The following STK3 variants were observed in gnomAD, a reference collection of about 807,000 sequenced individuals.
STK3 encodes serine/threonine kinase 3, also known as serine/threonine-protein kinase 3.
Under a neutral mutation model 58.0 loss-of-function variants are expected in STK3, and 41 were observed. The ratio of observed to expected loss-of-function variants is 0.71; its 90% CI spans 0.55 to 0.92. The LOEUF (loss-of-function observed/expected upper bound fraction) is 0.92, where lower values mean the gene tolerates loss of function less well. Among genes scored for constraint, STK3 ranks in the 40% least tolerant of loss-of-function variants. The pLI, the probability that STK3 is intolerant of heterozygous loss-of-function variation, is 0.00. For synonymous variants in STK3, 170 were observed against 191.0 expected, an observed-to-expected ratio of 0.89 and a Z score of 0.91; for missense variants, 479 against 602.7, an observed-to-expected ratio of 0.79 and a Z score of 2.15.
intron 9 of STK3, among the ~76,000 whole-genome samples, chr8:98,544,143 G>T (rs1181314617): frequency 1.3e-5 from 2 of 152,124 alleles, no homozygotes; most frequent in African/African-American, 4.8e-5. Context: ...GCTGGATATA[G>T]AAGTGAAGGG....
the STK3 span, among the ~76,000 whole-genome samples, chr8:98,363,041 C>T: frequency 6.6e-6 from 1 of 152,210 alleles, no homozygotes; most frequent in Admixed American, 6.5e-5. Context: ...AGGAAAGGCT[C>T]ATGCATTCTG....
intron 1 of STK3, among the ~76,000 whole-genome samples, chr8:98,929,151 A>G (rs1406978347): frequency 6.6e-6 from 1 of 152,202 alleles, no homozygotes; most frequent in Non-Finnish European, 1.5e-5. Flanking sequence ...CTGTAATCCC[A>G]GCTACTTGGG....
chr8:98,788,779 T>C (rs1186573241), intron 1 of STK3, among the ~76,000 whole-genome samples: 3 of 152,018 alleles, frequency 2.0e-5, no homozygotes, highest in African/African-American at 4.8e-5. Context: ...CAATTACTAA[T>C]AGACTTAAGA....
intron 8 of STK3, among the ~76,000 whole-genome samples, chr8:98,571,050 C>T (rs546820572): frequency 6.6e-6 from 1 of 152,246 alleles, no homozygotes; most frequent in Admixed American, 6.5e-5. Flanking sequence ...AGACTTTTGG[C>T]CAGAAACAGT....
intron 1 of STK3, among the ~76,000 whole-genome samples, chr8:98,381,239 G>A (rs1194435104): frequency 6.6e-6 from 1 of 152,060 alleles, no homozygotes; most frequent in African/African-American, 2.4e-5. Flanking sequence ...CCAAAGTGCT[G>A]GGATTACAGG....
chr8:98,708,557 A>G (rs1479923555), intron 4 of STK3, among the ~76,000 whole-genome samples: 1 of 152,190 alleles, frequency 6.6e-6, no homozygotes, highest in African/African-American at 2.4e-5. Flanking sequence ...GAGAAGGCCG[A>G]GGAAGAGACG....
rs2129963870 is a variant in STK3 at position 98,595,096 on chromosome 8, A to G, written c.822+936T>C. The G allele has an allele frequency of 1.3e-5, 2 of 152,346 alleles. 1 individual carries two copies. The highest frequency in any genetic ancestry group is 4.1e-4 in the South Asian group (2 of 4,830). The allele number at this position is 152,346 out of a possible 1,614,324, so 9.4% of individuals were successfully genotyped here. A position where few individuals can be genotyped will look rare whatever the true frequency, so the allele number is the denominator to read the frequency against. On this transcript the variant is annotated intron_variant, in intron 7 of 10. Coordinates refer to ENST00000419617, the MANE Select transcript of STK3 (RefSeq NM_006281.4). ...TTCACACATGGTTAAATATTTCTGT[A>G]GAATAAATTCCTAGAAGTGCAACTG...
In STK3 at chr8:98,526,734, G is replaced by A. The variant is rs777770270; in HGVS notation, c.1317+8C>T. 3.2e-6 allele frequency: 5 copies of A among 1,540,846 alleles called. No individual in the cohort carries two copies. In the African/African-American group the frequency reaches 6.9e-5, roughly 21 times the overall value. On this transcript the variant is annotated splice_region_variant and intron_variant, in intron 10 of 10. Coordinates refer to ENST00000419617, the MANE Select transcript of STK3 (RefSeq NM_006281.4). ...AAAACATAAATTGAAGAATTAAAATGTACTTACAAAGTCAAAGTCTCCATC... is the reference window on the plus strand; with the variant it reads ...AAAACATAAATTGAAGAATTAAAATATACTTACAAAGTCAAAGTCTCCATC...
chr8:98,558,028 A>G (rs972276622), intron 8 of STK3, among the ~76,000 whole-genome samples: 6 of 152,126 alleles, frequency 3.9e-5, no homozygotes, highest in African/African-American at 1.4e-4. Flanking sequence ...CCTGTGCACA[A>G]TACTAATATA....
At chr8:98,739,333 G>A (rs1393451299) in intron 4 of STK3, among the ~76,000 whole-genome samples, 3 of 152,240 alleles carry the variant, frequency 2.0e-5, no homozygotes, top group African/African-American at 7.2e-5. Flanking sequence ...AGCCTAACTG[G>A]GAGGCACCCC....
At chr8:98,614,730 C>A (rs745534351) in intron 6 of STK3, among the ~76,000 whole-genome samples, 1 of 152,170 alleles carries the variant, frequency 6.6e-6, no homozygotes, top group Non-Finnish European at 1.5e-5. Context: ...CACTCTCACC[C>A]GAATACTGCG....
intron 6 of STK3, among the ~76,000 whole-genome samples, chr8:98,687,898 C>A (rs1287646847): frequency 1.3e-5 from 2 of 152,166 alleles, no homozygotes; most frequent in Non-Finnish European, 2.9e-5. Flanking sequence ...TAGCTAACAA[C>A]CCTGTGATGG....
At chr8:98,363,649 G>C in the STK3 span, among the ~76,000 whole-genome samples, 3 of 152,274 alleles carry the variant, frequency 2.0e-5, no homozygotes, top group Non-Finnish European at 4.4e-5. Context: ...GGAACATGCA[G>C]TCTAGTTGCA....
chr8:98,378,195 C>T (rs1422810986), intron 2 of STK3, among the ~76,000 whole-genome samples: 1 of 152,222 alleles, frequency 6.6e-6, no homozygotes, highest in Non-Finnish European at 1.5e-5. Flanking sequence ...ACTGACCCCA[C>T]AGCCCCATTC....
intron 1 of STK3, among the ~76,000 whole-genome samples, chr8:98,920,893 A>C (rs1490010351): frequency 6.6e-6 from 1 of 152,404 alleles, no homozygotes; most frequent in Admixed American, 6.5e-5. Flanking sequence ...ACTGCCTCTT[A>C]CAGGCATACC....
At chr8:98,474,036 C>A (rs1342059470) in intron 10 of STK3, among the ~76,000 whole-genome samples, 1 of 152,130 alleles carries the variant, frequency 6.6e-6, no homozygotes, top group Non-Finnish European at 1.5e-5. Context: ...TATCTTTTAA[C>A]CTTTCCTATT....
chr8:98,551,631 T>C (rs1473481975), intron 8 of STK3, among the ~76,000 whole-genome samples: 1 of 152,116 alleles, frequency 6.6e-6, no homozygotes, highest in Admixed American at 6.6e-5. Context: ...TGCGAGGACA[T>C]CTACCCAGCA....
At position 98,777,446 on chromosome 8, in the gene STK3, G is replaced by T. The variant is rs189576831; in HGVS notation, c.27-2627C>A. Among the ~76,000 whole-genome samples, 15 of 151,186 alleles carry T rather than the reference G, an allele frequency of 9.9e-5. No individual in the cohort carries two copies. The East Asian group carries it at 3.0e-3, about 30-fold the overall frequency. ...GGGAGACTGAGCCTGGGAGATGGAG[G>T]TTGCAGTGAGCCGAGATCACGCCAC... On this transcript the variant is annotated intron_variant, in intron 1 of 10. Transcript: ENST00000419617.
chr8:98,785,750 CATAGGACT>C (rs1232884531), intron 1 of STK3, among the ~76,000 whole-genome samples: 1 of 152,088 alleles, frequency 6.6e-6, no homozygotes, highest in Non-Finnish European at 1.5e-5. Flanking sequence ...AACTGAAGTG[CATAGGACT>C]ATAAAAACAA....
Sources: allele counts gnomAD v4.1 joint callset (sites outside exome capture counted in the v4.1 genomes callset), GRCh38; gene constraint gnomAD v4.1.1; transcripts MANE v1.5; gene names NCBI Gene and HGNC (gene_info 2026-07-23, HGNC 2026-07-21).